Variants in OCIAD2 observed in about 807,000 individuals in gnomAD.
OCIAD2 encodes the protein OCIA domain-containing protein 2.
Under a neutral mutation model 22.9 loss-of-function variants are expected in OCIAD2, and 29 were observed. The ratio of observed to expected loss-of-function variants is 1.27; its 90% CI spans 0.94 to 1.73. OCIAD2 has a LOEUF of 1.73. OCIAD2 is among the 40% of genes most tolerant of loss of function. The pLI is 0.00. For missense variants in OCIAD2, 189 were observed against 180.3 expected (o/e 1.05, Z -0.28); for synonymous variants, 67 against 60.2 (o/e 1.11, Z -0.52).
chr4:48,901,921 A>T (rs997120445), intron 2 of OCIAD2, among the ~76,000 whole-genome samples: 5 of 151,496 alleles, frequency 3.3e-5, no homozygotes, highest in Non-Finnish European at 5.9e-5. Context: ...TGAAAAAACC[A>T]TTTTTTTAAT....
intron 4 of OCIAD2, among the ~76,000 whole-genome samples, chr4:48,895,529 C>T (rs1316777639): frequency 6.6e-6 from 1 of 152,196 alleles, no homozygotes. Context: ...AGGCTGAACA[C>T]ATCCTTTTTA....
intron 5 of OCIAD2, chr4:48,893,750 T>A (rs1410249077): frequency 4.0e-6 from 1 of 247,826 alleles, no homozygotes; most frequent in Non-Finnish European, 7.6e-6. Context: ...AAATAGGGGC[T>A]GATTTTTCCA....
At chr4:48,892,668 C>A in intron 6 of OCIAD2, 104 bp downstream of exon 6, 2 of 578,666 alleles carry the variant, frequency 3.5e-6, no homozygotes, top group Non-Finnish European at 5.8e-6. Context: ...ACTTTTTTTA[C>A]ATGTGAATTT....
chr4:48,886,038 C>T (rs1257129992), intron 6 of OCIAD2, among the ~76,000 whole-genome samples: 1 of 152,124 alleles, frequency 6.6e-6, no homozygotes, highest in Non-Finnish European at 1.5e-5. Flanking sequence ...AGGTTTTCTT[C>T]TAGGATTTTT....
At position 48,885,408 on chromosome 4, in the gene OCIAD2, T is replaced by A; in HGVS notation, c.*76A>T. ...TTTTGTTCCATTAGAAGTATTTTAT[T>A]TTAAAGTACACTTGAAATTTTAAAT... On this transcript the variant is annotated 3_prime_UTR_variant, in exon 7 of 7. Transcript: ENST00000508632. 4 of 823,630 alleles carry A rather than the reference T, an allele frequency of 4.9e-6. No homozygotes were observed. The South Asian group carries it at 5.7e-5, about 12-fold the overall frequency. 51.0% of individuals were successfully genotyped at this position (823,630 alleles called of 1,614,324 possible).
At chr4:48,901,947 G>GT (rs1412400178) in intron 2 of OCIAD2, among the ~76,000 whole-genome samples, 1 of 151,756 alleles carries the variant, frequency 6.6e-6, no homozygotes, top group Non-Finnish European at 1.5e-5. Flanking sequence ...TGGGGGAGGC[G>GT]TGGGGGGGGC....
At chr4:48,903,664 TGAGACAGAG>T in intron 2 of OCIAD2, among the ~76,000 whole-genome samples, 1 of 150,812 alleles carries the variant, frequency 6.6e-6, no homozygotes, top group Non-Finnish European at 1.5e-5. Flanking sequence ...TTCTTTTTTT[TGAGACAGAG>T]TCTCGCTCTG....
At chr4:48,892,637 A>G in intron 6 of OCIAD2, 135 bp downstream of exon 6, 1 of 506,690 alleles carries the variant, frequency 2.0e-6, no homozygotes. Context: ...GGTAACAACA[A>G]CGCTAAACTT....
rs758259034 is a variant in OCIAD2, at chr4:48,893,993, T to G, written c.265+13A>C. On this transcript the variant is annotated intron_variant, in intron 5 of 6. Transcript: ENST00000508632. ...CACCACACTTGGCTTGCTTTTTTAT[T>G]TCTATGACTTACGTGCAACTTTGGG... The G allele has an allele frequency of 4.0e-6, 6 of 1,507,682 alleles. No homozygotes were observed. The highest frequency in any genetic ancestry group is 1.8e-4 in the Middle Eastern group (1 of 5,584). 93.4% of individuals were successfully genotyped at this position (1,507,682 alleles called of 1,614,324 possible).
intron 2 of OCIAD2, among the ~76,000 whole-genome samples, chr4:48,900,446 C>A (rs1781390933): frequency 6.6e-6 from 1 of 151,936 alleles, no homozygotes; most frequent in Admixed American, 6.6e-5. Flanking sequence ...TATTATTTGA[C>A]ATAGTTTAGT....
chr4:48,906,300 C>T (rs1265126840), intron 1 of OCIAD2, among the ~76,000 whole-genome samples: 1 of 152,226 alleles, frequency 6.6e-6, no homozygotes, highest in East Asian at 1.9e-4. Context: ...TGCTGACCGA[C>T]GAATGTGCGG....
At chr4:48,904,458 AT>A in intron 2 of OCIAD2, 25 bp downstream of exon 2, 1 of 1,598,440 alleles carries the variant, frequency 6.3e-7, no homozygotes, top group Admixed American at 1.7e-5. Flanking sequence ...CAATCAATGA[AT>A]CGATCAATAA....
At chr4:48,898,459 T>G (rs1423168072) in intron 3 of OCIAD2, among the ~76,000 whole-genome samples, 1 of 152,202 alleles carries the variant, frequency 6.6e-6, no homozygotes, top group Non-Finnish European at 1.5e-5. Context: ...TACACCACCA[T>G]TAGCATGGTC....
chr4:48,888,435 C>T (rs1412078101), intron 6 of OCIAD2, among the ~76,000 whole-genome samples: 2 of 152,116 alleles, frequency 1.3e-5, no homozygotes, highest in African/African-American at 2.4e-5. Context: ...AGGATGTTTC[C>T]AGTTTTTTCC....
rs6844156 is a variant in OCIAD2 at position 48,885,591 on chromosome 4, C to T, written c.384-26G>A. 858 of 1,302,884 alleles carry T rather than the reference C, an allele frequency of 6.6e-4. 4 individuals carry two copies. In the African/African-American group the frequency reaches 0.011, roughly 16 times the overall value. The allele number at this position is 1,302,884 out of a possible 1,614,324, so 80.7% of individuals were successfully genotyped here. Reference sequence around the variant, plus strand: ...CTAGAAGAGAAGCAAAAATAGACAGCGGTTTGTACTTTGACACTGGAAGCC... The same window carrying T: ...CTAGAAGAGAAGCAAAAATAGACAGTGGTTTGTACTTTGACACTGGAAGCC... On this transcript the variant is annotated intron_variant, in intron 6 of 6. Coordinates refer to ENST00000508632, the MANE Select transcript of OCIAD2 (RefSeq NM_001014446.3).
Position 48,904,523 on chromosome 4 carries a change from G to T in OCIAD2, c.27C>A (p.Asn9Lys), listed in dbSNP as rs774376725. The T allele has an allele frequency of 1.9e-6, 3 of 1,613,936 alleles. No individual in the cohort carries two copies. The highest frequency in any genetic ancestry group is 2.7e-5 in the African/African-American group (2 of 74,872). ...GTGGAAAATGGGCATCTTTATCTTG[G>T]TTTCCACGAGCAGACGCTGAAGCCA... Reference protein sequence around the residue: MASASARGNQDKDAHFPPP... With the variant: MASASARGKQDKDAHFPPP... The change falls in exon 2 of 7, where the codon AAC becomes AAA. Residue 9 changes from asparagine (N) to lysine (K), a missense_variant. By Grantham distance (94) the Asn-to-Lys change is moderately conservative. Coordinates refer to ENST00000508632, the MANE Select transcript of OCIAD2 (RefSeq NM_001014446.3).
intron 6 of OCIAD2, among the ~76,000 whole-genome samples, chr4:48,889,390 C>T (rs1350176616): frequency 6.6e-6 from 1 of 151,934 alleles, no homozygotes; most frequent in African/African-American, 2.4e-5. Flanking sequence ...CCAGAATCTA[C>T]AAAGAACTCA....
intron 2 of OCIAD2, among the ~76,000 whole-genome samples, chr4:48,903,138 T>C (rs1448360776): frequency 1.3e-5 from 2 of 152,224 alleles, no homozygotes; most frequent in Non-Finnish European, 2.9e-5. Context: ...AGCTTGAACA[T>C]GAACGCCATT....
chr4:48,895,166 G>GC (rs778781210), intron 4 of OCIAD2, among the ~76,000 whole-genome samples: 27 of 152,312 alleles, frequency 1.8e-4, no homozygotes, highest in Admixed American at 3.9e-4. Context: ...CACAGCTGGG[G>GC]CGACGCCTTG....
Sources: allele counts gnomAD v4.1 joint callset (sites outside exome capture counted in the v4.1 genomes callset), GRCh38; gene constraint gnomAD v4.1.1; transcripts MANE v1.5; gene names NCBI Gene and HGNC (gene_info 2026-07-23, HGNC 2026-07-21).